The following EMILIN1 variants were observed in gnomAD, a reference collection of about 807,000 sequenced individuals.
EMILIN1 encodes the protein EMILIN-1.
In EMILIN1, 49 loss-of-function variants were observed where a neutral mutation model predicts 82.4. The ratio of observed to expected loss-of-function variants is 0.59; its 90% CI spans 0.47 to 0.75. The LOEUF (loss-of-function observed/expected upper bound fraction) is 0.75, where lower values mean the gene tolerates loss of function less well. Among genes scored for constraint, EMILIN1 ranks in the 30% least tolerant of loss-of-function variants. The pLI, the probability that EMILIN1 is intolerant of heterozygous loss-of-function variation, is 0.00. For synonymous variants in EMILIN1, 604 were observed against 602.2 expected, an observed-to-expected ratio of 1.00 and a Z score of -0.04; for missense variants, 1,313 against 1,366.4, an observed-to-expected ratio of 0.96 and a Z score of 0.62.
chr2:27,078,990 AG>A lies in EMILIN1; in HGVS notation c.-75del. On this transcript the variant is annotated 5_prime_UTR_variant, in exon 1 of 8. Coordinates refer to ENST00000380320, the MANE Select transcript of EMILIN1 (RefSeq NM_007046.4). ...GGCTCGGGCTGTCCTGTGGAGCAGC[AG>A]CATCCCCGGGGCCGGCAGAGGCGCC... is the stretch of plus-strand genomic sequence containing the variant. The A allele has an allele frequency of 2.5e-6, 3 of 1,191,444 alleles. No homozygotes were observed. The highest frequency in any genetic ancestry group is 3.4e-6 in the Non-Finnish European group (3 of 878,408). 73.8% of individuals were successfully genotyped at this position (1,191,444 alleles called of 1,614,324 possible). A position where few individuals can be genotyped will look rare whatever the true frequency, so the allele number is the denominator to read the frequency against.
In EMILIN1 at chr2:27,085,301, G is replaced by C. The variant is rs373109005; in HGVS notation, c.2713+4G>C. ...GGCTATTATGATCCAGAGACAGGTA[G>C]TCCTGGGAGGGGCTGGGTTGAACGG... On this transcript the variant is annotated splice_donor_region_variant and intron_variant, in intron 7 of 7. Transcript: ENST00000380320. The C allele has an allele frequency of 1.2e-6, 2 of 1,613,952 alleles. No individual in the cohort carries two copies. The highest frequency in any genetic ancestry group is 1.3e-5 in the African/African-American group (1 of 75,070).
At position 27,084,002 on chromosome 2, in the gene EMILIN1, G is replaced by T; in HGVS notation, c.2431G>T (p.Asp811Tyr). ...CCGTCTGCACCAGCTCAGCCTGAAG[G>T]ACCTCACTGGTGAGGGGACAAAAGG... ...EDRLHQLSLK[D>Y]LTGPAGEAGP... Residue 811 changes from aspartate (D) to tyrosine (Y), a missense_variant, in exon 4 of 8, where the codon GAC becomes TAC. Coordinates refer to ENST00000380320, the MANE Select transcript of EMILIN1 (RefSeq NM_007046.4). 1 of 1,501,136 alleles carries T rather than the reference G, an allele frequency of 6.7e-7. No homozygotes were observed. Among genetic ancestry groups the T allele is most frequent in the South Asian group, 1.3e-5 (1 of 74,106 alleles). The allele number at this position is 1,501,136 out of a possible 1,614,324, so 93.0% of individuals were successfully genotyped here. A position where few individuals can be genotyped will look rare whatever the true frequency, so the allele number is the denominator to read the frequency against.
Position 27,082,978 on chromosome 2 carries a change from G to A in EMILIN1, c.1407G>A (p.Glu469=). 2.5e-6 allele frequency: 4 copies of A among 1,578,474 alleles called. No individual in the cohort carries two copies. Among genetic ancestry groups the A allele is most frequent in the Non-Finnish European group, 3.4e-6 (4 of 1,162,142 alleles). The stretch of plus-strand genomic sequence containing the variant: ...GGGGGCGGTTGGATCTGTTGGAGGA[G>A]CAGGTGGCAGGGGCCATGCAGGCAT... ...ELGGRLDLLE[E]QVAGAMQACG... Residue 469 remains glutamate (E), a synonymous_variant, in exon 4 of 8, where the codon GAG becomes GAA. Coordinates refer to ENST00000380320, the MANE Select transcript of EMILIN1 (RefSeq NM_007046.4).
chr2:27,081,411 C>T (rs1003030976), intron 3 of EMILIN1, among the ~76,000 whole-genome samples: 3 of 152,170 alleles, frequency 2.0e-5, no homozygotes, highest in African/African-American at 7.2e-5. Context: ...TCCCAGCATG[C>T]AGCAGTTCCT....
At position 27,079,053 on chromosome 2, in the gene EMILIN1, G is replaced by A. The variant is rs550948819; in HGVS notation, c.-13G>A. The A allele has an allele frequency of 1.9e-6, 3 of 1,539,046 alleles. No homozygotes were observed. Among genetic ancestry groups the A allele is most frequent in the Non-Finnish European group, 2.6e-6 (3 of 1,148,462 alleles). On this transcript the variant is annotated 5_prime_UTR_variant, in exon 1 of 8. Coordinates refer to ENST00000380320, the MANE Select transcript of EMILIN1 (RefSeq NM_007046.4). ...GGGATGAGTCTCTGAGGGCCACTGT[G>A]GAGCGCCCCGCCATGGCCCCCCGCA...
chr2:27,082,815 A>C lies in EMILIN1; in HGVS notation c.1244A>C (p.Asn415Thr), dbSNP rs763380312. 1.9e-6 allele frequency: 3 copies of C among 1,560,198 alleles called. No homozygotes were observed. The highest frequency in any genetic ancestry group is 2.3e-5 in the East Asian group (1 of 43,258). The change falls in exon 4 of 8, where the codon AAC becomes ACC. Residue 415 changes from asparagine to threonine, a missense_variant. Asn to Thr is a moderately conservative substitution (Grantham distance 65, BLOSUM62 0). Transcript: ENST00000380320. ...SRLSRLEDRF[N>T]STLGPSEEQE... ...CTGTCTCGCCTGGAGGACCGCTTCA[A>C]CTCCACCCTGGGCCCTTCGGAGGAG...
intron 4 of EMILIN1, among the ~76,000 whole-genome samples, 159 bp from the exon 5 acceptor site, chr2:27,084,256 G>C (rs1269734789): frequency 6.6e-6 from 1 of 152,170 alleles, no homozygotes; most frequent in African/African-American, 2.4e-5. Context: ...GCCAGCCAGG[G>C]ATCCAGCATA....
chr2:27,081,184 C>T (rs140707995), intron 3 of EMILIN1, among the ~76,000 whole-genome samples: 538 of 151,370 alleles, frequency 3.6e-3, no homozygotes, highest in Non-Finnish European at 6.1e-3. Flanking sequence ...GGAGAGAGCA[C>T]GCAAAAGATG....
At chr2:27,085,650 C>G in intron 7 of EMILIN1, 28 bp from the exon 8 acceptor site, 1 of 1,563,848 alleles carries the variant, frequency 6.4e-7, no homozygotes, top group African/African-American at 1.3e-5. Context: ...GCTTCCCTGG[C>G]CCCCCTGACT....
chr2:27,083,667 A>T lies in EMILIN1; in HGVS notation c.2096A>T (p.His699Leu), dbSNP rs749157424. 8.1e-6 allele frequency: 13 copies of T among 1,613,612 alleles called. No homozygotes were observed. Among genetic ancestry groups the T allele is most frequent in the African/African-American group, 1.3e-5 (1 of 74,940 alleles). Residue 699 changes from histidine (H) to leucine (L), a missense_variant, in exon 4 of 8, where the codon CAT (histidine) becomes CTT (leucine). His to Leu is a moderately conservative substitution (Grantham distance 99, BLOSUM62 -3). Coordinates refer to ENST00000380320, the MANE Select transcript of EMILIN1 (RefSeq NM_007046.4). The stretch of plus-strand genomic sequence containing the variant: ...AGGCTGCAGCAGGAGGCCACAGAGC[A>T]TGCTACAGAGAGTGAAGAGCGCTTC... ...INRLQQEATE[H>L]ATESEERFRG...
Position 27,082,697 on chromosome 2 carries a change from G to T in EMILIN1, c.1126G>T (p.Val376Leu). The T allele has an allele frequency of 1.9e-6, 3 of 1,553,664 alleles. No individual in the cohort carries two copies. The highest frequency in any genetic ancestry group is 2.4e-5 in the East Asian group (1 of 41,854). ...CAGGCTGGATGTCGTGGCCGGCTCAGTGACAGTGCTGAGTGGGCGGCGAGG... is the reference window on the plus strand; with the variant it reads ...CAGGCTGGATGTCGTGGCCGGCTCATTGACAGTGCTGAGTGGGCGGCGAGG... ...ERRLDVVAGS[V>L]TVLSGRRGTE... is the part of the protein sequence containing the mutation. Residue 376 changes from valine to leucine, a missense_variant, in exon 4 of 8, where the codon GTG becomes TTG. Val to Leu is a conservative substitution (Grantham distance 32). Transcript: ENST00000380320.
rs1330967782 is a variant in EMILIN1, at chr2:27,084,402, T to C, written c.2441-13T>C. ...TTTTATGGCCCTCCTTCAACTCAAT[T>C]TTGTCACTGTAGGGCCTGCAGGAGA... On this transcript the variant is annotated splice_polypyrimidine_tract_variant and intron_variant, in intron 4 of 7. Coordinates refer to ENST00000380320, the MANE Select transcript of EMILIN1 (RefSeq NM_007046.4). The C allele has an allele frequency of 6.5e-7, 1 of 1,537,588 alleles. No homozygotes were observed. The highest frequency in any genetic ancestry group is 8.9e-7 in the Non-Finnish European group (1 of 1,122,042).
Position 27,083,414 on chromosome 2 carries a change from G to A in EMILIN1, c.1843G>A (p.Gly615Ser). The A allele has an allele frequency of 1.2e-6, 2 of 1,612,128 alleles. No homozygotes were observed. Among genetic ancestry groups the A allele is most frequent in the Non-Finnish European group, 8.5e-7 (1 of 1,179,956 alleles). ...PLLPPRGPGA[G>S]PGVGGPSRGP... ...GTTGCCTCCTCGGGGTCCTGGGGCT[G>A]GTCCAGGTGTTGGGGGCCCAAGCCG... Residue 615 changes from glycine to serine, a missense_variant, in exon 4 of 8, where the codon GGT becomes AGT. Gly to Ser is a moderately conservative substitution (Grantham distance 56). Transcript: ENST00000380320.
rs1206803238 is a variant in EMILIN1, at chr2:27,083,554, G to C, written c.1983G>C (p.Leu661=). The change falls in exon 4 of 8, where the codon CTG becomes CTC. Residue 661 remains leucine, a synonymous_variant. Transcript: ENST00000380320. The part of the protein sequence containing the change: ...ILSFSSLNDS[L]NELQTTVEGQ... Reference sequence around the variant, plus strand: ...GCTTCAGCTCCCTCAATGACTCACTGAATGAGCTCCAGACCACTGTGGAGG... The same window carrying C: ...GCTTCAGCTCCCTCAATGACTCACTCAATGAGCTCCAGACCACTGTGGAGG... 1.2e-6 allele frequency: 2 copies of C among 1,614,056 alleles called. No homozygotes were observed. The highest frequency in any genetic ancestry group is 2.7e-5 in the African/African-American group (2 of 74,956).
At position 27,080,712 on chromosome 2, in the gene EMILIN1, C is replaced by G. The variant is rs889504995; in HGVS notation, c.291-20C>G. On this transcript the variant is annotated intron_variant, in intron 2 of 7. Transcript: ENST00000380320. ...GACCGTACAGGGAGGAATAAAGAGGCCTCCTTCTGCCTCTGCCAGGTACCG... is the reference window on the plus strand; with the variant it reads ...GACCGTACAGGGAGGAATAAAGAGGGCTCCTTCTGCCTCTGCCAGGTACCG... 6.3e-7 allele frequency: 1 copy of G among 1,598,550 alleles called. No homozygotes were observed. Among genetic ancestry groups the G allele is most frequent in the African/African-American group, 1.3e-5 (1 of 74,734 alleles).
Position 27,083,267 on chromosome 2 carries a change from C to T in EMILIN1, c.1696C>T (p.Arg566Trp), listed in dbSNP as rs753208706. ...FTLRLNLTAA[R>W]LGQLEGLLQA... Reference sequence around the variant, plus strand: ...ACTACGGCTGAATCTCACTGCGGCCCGGCTAGGCCAACTGGAGGGGCTGCT... The same window carrying T: ...ACTACGGCTGAATCTCACTGCGGCCTGGCTAGGCCAACTGGAGGGGCTGCT... Residue 566 changes from arginine to tryptophan, a missense_variant, in exon 4 of 8, where the codon CGG (arginine) becomes TGG (tryptophan). Transcript: ENST00000380320. 26 of 1,612,506 alleles carry T rather than the reference C, an allele frequency of 1.6e-5. No individual in the cohort carries two copies. Among genetic ancestry groups the T allele is most frequent in the African/African-American group, 2.7e-5 (2 of 74,916 alleles).
At chr2:27,085,415 C>A in intron 7 of EMILIN1, 118 bp downstream of exon 7, 1 of 1,286,544 alleles carries the variant, frequency 7.8e-7, no homozygotes, top group Non-Finnish European at 1.1e-6. Context: ...TTGGGGAGAC[C>A]CCGGCTCTTT....
Position 27,086,379 on chromosome 2 carries a change from A to G in EMILIN1, c.*364A>G, listed in dbSNP as rs1669640832. 4.5e-6 allele frequency: 1 copy of G among 222,352 alleles called. No individual in the cohort carries two copies. Among genetic ancestry groups the G allele is most frequent in the Non-Finnish European group, 8.8e-6 (1 of 114,000 alleles). 13.8% of individuals were successfully genotyped at this position (222,352 alleles called of 1,614,324 possible). ...GCCATACTAAACGATCGAGGAATAA[A>G]GACACTTGGTTTTTCTAAAAAAAAC... On this transcript the variant is annotated 3_prime_UTR_variant, in exon 8 of 8. Transcript: ENST00000380320.
intron 1 of EMILIN1, 85 bp from the exon 2 acceptor site, chr2:27,080,065 CT>C: frequency 6.6e-7 from 1 of 1,507,154 alleles, no homozygotes; most frequent in South Asian, 1.2e-5. Context: ...TCTTTGGAGC[CT>C]TCTTCAGCCC....
Sources: allele counts gnomAD v4.1 joint callset (sites outside exome capture counted in the v4.1 genomes callset), GRCh38; gene constraint gnomAD v4.1.1; transcripts MANE v1.5; gene names NCBI Gene and HGNC (gene_info 2026-07-23, HGNC 2026-07-21).